CSMD1: variants seen among roughly 807,000 people sequenced by gnomAD.
CSMD1 encodes CUB and Sushi multiple domains 1, also known as CUB and sushi domain-containing protein 1.
Under a neutral mutation model 417.5 loss-of-function variants are expected in CSMD1, and 213 were observed. That is an observed-to-expected ratio of 0.51 (90% CI 0.46 to 0.57). CSMD1 has a LOEUF of 0.57. Among genes scored for constraint, CSMD1 ranks in the 20% least tolerant of loss-of-function variants. The pLI, the probability that CSMD1 is intolerant of heterozygous loss-of-function variation, is 0.00. For missense variants in CSMD1, 6,923 were observed against 4,529.7 expected, an observed-to-expected ratio of 1.53 and a Z score of -15.17; for synonymous variants, 2,862 against 1,736.8, an observed-to-expected ratio of 1.65 and a Z score of -16.11.
intron 6 of CSMD1, among the ~76,000 whole-genome samples, chr8:3,741,449 C>A (rs914347105): frequency 4.6e-5 from 7 of 151,754 alleles, no homozygotes; most frequent in South Asian, 4.1e-4. Context: ...GTACCTACAT[C>A]ATGACAGAGG....
At chr8:3,602,495 A>G (rs1165363503) in intron 8 of CSMD1, among the ~76,000 whole-genome samples, 2 of 151,980 alleles carry the variant, frequency 1.3e-5, no homozygotes, top group African/African-American at 4.8e-5. Context: ...TTTAATATTG[A>G]TCCTAAACTC....
intron 3 of CSMD1, among the ~76,000 whole-genome samples, chr8:4,392,717 A>C (rs531402501): frequency 2.6e-5 from 4 of 151,568 alleles, no homozygotes; most frequent in African/African-American, 4.8e-5. Context: ...CACCTGTAAT[A>C]CCAGCACTTT....
At chr8:4,622,235 T>G (rs566498187) in intron 2 of CSMD1, among the ~76,000 whole-genome samples, 38 of 145,854 alleles carry the variant, frequency 2.6e-4, no homozygotes, top group African/African-American at 9.7e-4. Context: ...TCAGGCAGAG[T>G]ACTCAAAGAA....
At chr8:4,126,888 G>C (rs569741579) in intron 3 of CSMD1, among the ~76,000 whole-genome samples, 1 of 152,114 alleles carries the variant, frequency 6.6e-6, no homozygotes, top group African/African-American at 2.4e-5. Flanking sequence ...TCTGTCTCCT[G>C]GGAATGGGTT....
chr8:3,662,279 C>T (rs1336594302), intron 7 of CSMD1, among the ~76,000 whole-genome samples: 6 of 152,198 alleles, frequency 3.9e-5, no homozygotes, highest in Non-Finnish European at 8.8e-5. Flanking sequence ...TTTTCTTTCT[C>T]ATTGTCACTA....
intron 29 of CSMD1, among the ~76,000 whole-genome samples, chr8:3,215,023 T>C (rs1309781145): frequency 6.6e-6 from 1 of 152,208 alleles, no homozygotes; most frequent in African/African-American, 2.4e-5. Context: ...ATTTTAGGAC[T>C]GAATCAAAGA....
At chr8:4,041,117 C>G (rs372450189) in intron 3 of CSMD1, among the ~76,000 whole-genome samples, 14,000 of 148,738 alleles carry the variant, frequency 0.094, 851 homozygotes, top group Non-Finnish European at 0.14. Context: ...CCCGGGTTCC[C>G]GCCATTCTCC....
chr8:3,952,270 A>T (rs531828701), intron 5 of CSMD1, among the ~76,000 whole-genome samples: 2 of 152,202 alleles, frequency 1.3e-5, no homozygotes, highest in African/African-American at 4.8e-5. Flanking sequence ...CTGAGCACAC[A>T]GTAAATACTT....
At chr8:4,861,410 C>G (rs1781197877) in intron 1 of CSMD1, among the ~76,000 whole-genome samples, 1 of 152,042 alleles carries the variant, frequency 6.6e-6, no homozygotes, top group South Asian at 2.1e-4. Context: ...CTGTAAACAT[C>G]CAGAAACATG....
At chr8:3,511,763 ATAACATAACATAACATAACATAACATAAC>A (rs1358208085) in intron 10 of CSMD1, among the ~76,000 whole-genome samples, 16 of 81,424 alleles carry the variant, frequency 2.0e-4, no homozygotes, top group African/African-American at 5.9e-4. Flanking sequence ...CTCTAAAAAA[ATAACATAACATAACATAACATAACATAAC>A]ATAACATAAC....
At chr8:4,253,075 G>C (rs10503244) in intron 3 of CSMD1, among the ~76,000 whole-genome samples, 1 of 152,194 alleles carries the variant, frequency 6.6e-6, no homozygotes, top group African/African-American at 2.4e-5. Flanking sequence ...CAAGCTCTTA[G>C]AGGAAAAAGA....
intron 6 of CSMD1, among the ~76,000 whole-genome samples, chr8:3,723,685 A>G (rs1479496236): frequency 6.6e-6 from 1 of 152,192 alleles, no homozygotes; most frequent in Admixed American, 6.5e-5. Flanking sequence ...TTTTGGTAAG[A>G]GCAGGGTGAT....
intron 1 of CSMD1, among the ~76,000 whole-genome samples, chr8:4,791,392 G>T (rs1007268967): frequency 3.3e-5 from 5 of 152,076 alleles, no homozygotes; most frequent in African/African-American, 1.2e-4. Context: ...TCAGCCCTTT[G>T]ACTCCCTGAA....
At chr8:4,754,788 G>T (rs1348786445) in intron 1 of CSMD1, among the ~76,000 whole-genome samples, 2 of 152,244 alleles carry the variant, frequency 1.3e-5, no homozygotes, top group East Asian at 1.9e-4. Flanking sequence ...AGCAGAGGTT[G>T]CAGTGAGCCG....
chr8:4,512,475 A>C (rs967831394), intron 2 of CSMD1, among the ~76,000 whole-genome samples: 31 of 152,200 alleles, frequency 2.0e-4, no homozygotes, highest in African/African-American at 6.8e-4. Context: ...TAGAGAAGGA[A>C]GAAATAAAAG....
At chr8:3,598,689 TG>T (rs990909882) in intron 8 of CSMD1, among the ~76,000 whole-genome samples, 7 of 152,202 alleles carry the variant, frequency 4.6e-5, no homozygotes, top group Non-Finnish European at 7.3e-5. Flanking sequence ...GCTGAAGGGT[TG>T]CCTTGGATGC....
At chr8:2,961,478 G>T (rs546905915) in intron 61 of CSMD1, among the ~76,000 whole-genome samples, 9 of 149,626 alleles carry the variant, frequency 6.0e-5, no homozygotes, top group Non-Finnish European at 1.3e-4. Context: ...CCATTCTCTG[G>T]CTTTTTTTTC....
intron 12 of CSMD1, among the ~76,000 whole-genome samples, chr8:3,429,937 T>A (rs1814110826): frequency 6.6e-6 from 1 of 152,198 alleles, no homozygotes; most frequent in African/African-American, 2.4e-5. Flanking sequence ...TTCTTATATT[T>A]GTCAATCTCG....
intron 2 of CSMD1, among the ~76,000 whole-genome samples, chr8:4,615,798 A>T (rs1044773472): frequency 6.6e-6 from 1 of 152,144 alleles, no homozygotes; most frequent in Non-Finnish European, 1.5e-5. Flanking sequence ...ACACATGACT[A>T]TTTCCATCTT....
Sources: allele counts gnomAD v4.1 joint callset (sites outside exome capture counted in the v4.1 genomes callset), GRCh38; gene constraint gnomAD v4.1.1; transcripts MANE v1.5; gene names NCBI Gene and HGNC (gene_info 2026-07-23, HGNC 2026-07-21).